The following ERMP1 variants were observed in gnomAD, a reference collection of about 807,000 sequenced individuals.
ERMP1 encodes Felix-ina.
In ERMP1, 86 loss-of-function variants were observed where a neutral mutation model predicts 92.0. The observed-to-expected ratio is 0.93, with a 90% CI of 0.79 to 1.12. The LOEUF is 1.12. Among genes scored for constraint, ERMP1 ranks in the 50% most tolerant of loss-of-function variants. ERMP1 has a pLI of 0.00. For missense variants in ERMP1, 1,342 were observed against 1,116.3 expected (o/e 1.20, Z -2.88); for synonymous variants, 530 against 412.8 (o/e 1.28, Z -3.44).
chr9:5,860,126 G>A (rs1586845719), intron 5 of ERMP1, among the ~76,000 whole-genome samples: 1 of 110,470 alleles, frequency 9.1e-6, no homozygotes. Flanking sequence ...GTGAGACCTT[G>A]TCTCTACCAA....
chr9:5,807,396 C>G (rs1489304746), intron 8 of ERMP1, among the ~76,000 whole-genome samples: 1 of 152,166 alleles, frequency 6.6e-6, no homozygotes, highest in Non-Finnish European at 1.5e-5. Context: ...TACATTCCCA[C>G]CTTAAACCGC....
At chr9:5,798,712 A>G (rs1293489016) in intron 12 of ERMP1, 94 bp downstream of exon 12, 3 of 762,622 alleles carry the variant, frequency 3.9e-6, no homozygotes, top group African/African-American at 3.5e-5. Context: ...CTGAACTTGT[A>G]TATTAAAGGA....
intron 10 of ERMP1, among the ~76,000 whole-genome samples, chr9:5,802,877 A>C (rs1186022379): frequency 2.0e-5 from 3 of 152,048 alleles, no homozygotes; most frequent in African/African-American, 7.2e-5. Flanking sequence ...TCTTCATTTT[A>C]TTTTGCACCC....
Position 5,830,787 on chromosome 9 carries a change from C to A in ERMP1, c.580G>T (p.Asp194Tyr). 1 of 1,614,144 alleles carries A rather than the reference C, an allele frequency of 6.2e-7. No individual in the cohort carries two copies. Among genetic ancestry groups the A allele is most frequent in the Non-Finnish European group, 8.5e-7 (1 of 1,179,998 alleles). ...TNVVVKLEPR[D>Y]GAQHAVLANC... ...GCCAAGACAGCATGCTGGGCTCCAT[C>A]TCTGGGTTCCAGCTTTACCACAACA... is the stretch of plus-strand genomic sequence containing the variant. Residue 194 changes from aspartate (D) to tyrosine (Y), a missense_variant, in exon 2 of 15, where the codon GAT (aspartate) becomes TAT (tyrosine). By Grantham distance (160) the Asp-to-Tyr change is radical (BLOSUM62 -3). Transcript: ENST00000339450.
Position 5,797,867 on chromosome 9 carries a change from G to A in ERMP1, c.2336C>T (p.Ser779Phe). Residue 779 changes from serine (S) to phenylalanine (F), a missense_variant, in exon 13 of 15, where the codon TCC (serine) becomes TTC (phenylalanine). Ser to Phe is a radical substitution (Grantham distance 155). Coordinates refer to ENST00000339450, the MANE Select transcript of ERMP1 (RefSeq NM_024896.3). Reference sequence around the variant, plus strand: ...AGAATCCCAAGGTGTCTGTTCTTTGGATATGAGTCGGAAATGAGGAGGATT... The same window carrying A: ...AGAATCCCAAGGTGTCTGTTCTTTGAATATGAGTCGGAAATGAGGAGGATT... Reference protein sequence around the residue: ...PRNPPHFRLISKEQTPWDSIK... With the variant: ...PRNPPHFRLIFKEQTPWDSIK... The A allele has an allele frequency of 6.2e-7, 1 of 1,613,836 alleles. No individual in the cohort carries two copies. The highest frequency in any genetic ancestry group is 2.2e-5 in the East Asian group (1 of 44,864).
At chr9:5,809,332 T>C (rs148713620) in intron 8 of ERMP1, among the ~76,000 whole-genome samples, 191 of 152,354 alleles carry the variant, frequency 1.3e-3, no homozygotes, top group Non-Finnish European at 2.0e-3. Context: ...CCCTAATTTC[T>C]AATTTTATTT....
At chr9:5,811,048 G>T in intron 7 of ERMP1, 63 bp downstream of exon 7, 2 of 1,180,840 alleles carry the variant, frequency 1.7e-6, no homozygotes, top group Non-Finnish European at 1.2e-6. Flanking sequence ...CAAACTGACT[G>T]AAAAACTTCA....
At chr9:5,809,671 T>A (rs528918525) in intron 8 of ERMP1, among the ~76,000 whole-genome samples, 5 of 152,160 alleles carry the variant, frequency 3.3e-5, no homozygotes, top group African/African-American at 1.2e-4. Flanking sequence ...TACACTCCAA[T>A]GGAGAACAGA....
chr9:5,814,607 G>T (rs547229688), intron 4 of ERMP1, among the ~76,000 whole-genome samples: 1 of 152,258 alleles, frequency 6.6e-6, no homozygotes, highest in South Asian at 2.1e-4. Flanking sequence ...GCAGGGCATG[G>T]TAATCCCAGC....
intron 6 of ERMP1, among the ~76,000 whole-genome samples, chr9:5,839,637 C>A (rs931567430): frequency 6.6e-6 from 1 of 152,202 alleles, no homozygotes; most frequent in South Asian, 2.1e-4. Context: ...CCTGAGCCCC[C>A]CTCTACGTAG....
chr9:5,808,987 G>A (rs1245193797), intron 8 of ERMP1, among the ~76,000 whole-genome samples: 2 of 152,018 alleles, frequency 1.3e-5, no homozygotes, highest in Non-Finnish European at 2.9e-5. Flanking sequence ...CCAAAGTGTT[G>A]GGATTACAGG....
chr9:5,798,822 C>T lies in ERMP1; in HGVS notation c.2254G>A (p.Val752Met). The stretch of plus-strand genomic sequence containing the variant: ...TGAACCAACCTGATCAGAAAGTGCA[C>T]TGGAAGATACCAAGGAAAACCACAA... ...PLCGFPWYLP[V>M]HFLIRKNWYL... The change falls in exon 12 of 15, where the codon GTG becomes ATG. Residue 752 changes from valine to methionine, a missense_variant. Transcript: ENST00000339450. The T allele has an allele frequency of 6.2e-7, 1 of 1,613,206 alleles. No homozygotes were observed. Among genetic ancestry groups the T allele is most frequent in the South Asian group, 1.1e-5 (1 of 91,048 alleles).
At chr9:5,794,040 G>A (rs148760613) in intron 13 of ERMP1, among the ~76,000 whole-genome samples, 1 of 152,142 alleles carries the variant, frequency 6.6e-6, no homozygotes, top group African/African-American at 2.4e-5. Context: ...ACCACATCCT[G>A]TATCATAAAG....
At chr9:5,806,349 T>C (rs1344612126) in intron 8 of ERMP1, among the ~76,000 whole-genome samples, 1 of 152,146 alleles carries the variant, frequency 6.6e-6, no homozygotes, top group Non-Finnish European at 1.5e-5. Context: ...TAAAATTTGA[T>C]CTTACAGTTT....
intron 8 of ERMP1, among the ~76,000 whole-genome samples, chr9:5,808,962 C>T (rs995765390): frequency 2.6e-5 from 4 of 152,212 alleles, no homozygotes; most frequent in Non-Finnish European, 4.4e-5. Flanking sequence ...TAAAGCGATC[C>T]GCCTGCCCAG....
intron 6 of ERMP1, among the ~76,000 whole-genome samples, chr9:5,841,484 G>C (rs1465138675): frequency 1.3e-5 from 2 of 152,182 alleles, no homozygotes; most frequent in African/African-American, 4.8e-5. Context: ...AAAGGTATGG[G>C]GTTTCCTTTC....
At chr9:5,858,639 G>A (rs1020884114) in intron 6 of ERMP1, among the ~76,000 whole-genome samples, 1 of 152,200 alleles carries the variant, frequency 6.6e-6, no homozygotes, top group Non-Finnish European at 1.5e-5. Context: ...GTTCTCCAAA[G>A]AGAGACTCAA....
In ERMP1 at chr9:5,810,508, G is replaced by A. The variant is rs538928458; in HGVS notation, c.1328-277C>T. Among the ~76,000 whole-genome samples, 4 of 152,320 alleles carry A rather than the reference G, an allele frequency of 2.6e-5. No homozygotes were observed. In the East Asian group the frequency reaches 7.7e-4, roughly 29 times the overall value. ...TTCAGGTACATTCCTTATGAAGGAAGAGGATAGTCTTAATCTTCTTCACTT... is the reference window on the plus strand; with the variant it reads ...TTCAGGTACATTCCTTATGAAGGAAAAGGATAGTCTTAATCTTCTTCACTT... On this transcript the variant is annotated intron_variant, in intron 7 of 14. Transcript: ENST00000339450.
Position 5,811,181 on chromosome 9 carries a change from G to T in ERMP1, c.1257C>A (p.Ile419=). ...VIAYPSRIGS[I]INYMVVMGVV... is the part of the protein sequence containing the mutation. ...CACCCATTACCACCATGTAGTTTAT[G>T]ATTGAGCCAATACGAGAGGGGTAGG... Residue 419 remains isoleucine, a synonymous_variant, in exon 7 of 15, where the codon ATC becomes ATA. Coordinates refer to ENST00000339450, the MANE Select transcript of ERMP1 (RefSeq NM_024896.3). 6.2e-7 allele frequency: 1 copy of T among 1,614,020 alleles called. No individual in the cohort carries two copies. The highest frequency in any genetic ancestry group is 8.5e-7 in the Non-Finnish European group (1 of 1,179,978).
Sources: allele counts gnomAD v4.1 joint callset (sites outside exome capture counted in the v4.1 genomes callset), GRCh38; gene constraint gnomAD v4.1.1; transcripts MANE v1.5; gene names NCBI Gene and HGNC (gene_info 2026-07-23, HGNC 2026-07-21).